The following DLG1 variants were observed in gnomAD, a reference collection of about 807,000 sequenced individuals.
DLG1 encodes the protein disks large homolog 1.
Under a neutral mutation model 123.4 loss-of-function variants are expected in DLG1, and 42 were observed. The ratio of observed to expected loss-of-function variants is 0.34; its 90% CI spans 0.27 to 0.44. DLG1 has a LOEUF of 0.44. DLG1 is among the 20% of genes least tolerant of loss of function. DLG1 has a pLI of 1.00. For synonymous variants in DLG1, 317 were observed against 356.2 expected, an observed-to-expected ratio of 0.89 and a Z score of 1.24; for missense variants, 942 against 1,082.6, an observed-to-expected ratio of 0.87 and a Z score of 1.82.
chr3:197,198,147 C>CA (rs35948143), intron 4 of DLG1, among the ~76,000 whole-genome samples: 97,523 of 141,640 alleles, frequency 0.69, 31,678 homozygotes, highest in East Asian at 0.8. Flanking sequence ...ACAAAACAAA[C>CA]AAAAAAATAC....
At chr3:197,159,803 C>G (rs896208235) in intron 5 of DLG1, among the ~76,000 whole-genome samples, 3 of 152,040 alleles carry the variant, frequency 2.0e-5, no homozygotes, top group Non-Finnish European at 2.9e-5. Flanking sequence ...TATTTAAAAC[C>G]TAAAGTGAAG....
At chr3:197,199,385 T>G (rs1460908657) in intron 4 of DLG1, among the ~76,000 whole-genome samples, 2 of 152,158 alleles carry the variant, frequency 1.3e-5, no homozygotes, top group East Asian at 3.9e-4. Flanking sequence ...ATGTGATGGG[T>G]TGCAGTCAAA....
At chr3:197,186,937 A>C (rs972335612) in intron 5 of DLG1, among the ~76,000 whole-genome samples, 1 of 152,216 alleles carries the variant, frequency 6.6e-6, no homozygotes, top group Non-Finnish European at 1.5e-5. Context: ...GAAACTCTAA[A>C]GTACAAAAAA....
At chr3:197,292,618 T>C (rs1775489587) in intron 3 of DLG1, among the ~76,000 whole-genome samples, 1 of 152,200 alleles carries the variant, frequency 6.6e-6, no homozygotes, top group Non-Finnish European at 1.5e-5. Flanking sequence ...GAAACTAGTA[T>C]CTACAAATAA....
At chr3:197,252,742 C>T (rs73210566) in intron 4 of DLG1, among the ~76,000 whole-genome samples, 187 of 152,206 alleles carry the variant, frequency 1.2e-3, no homozygotes, top group Non-Finnish European at 2.3e-3. Context: ...TAATTGTCCT[C>T]GTTTCAGTTT....
intron 5 of DLG1, among the ~76,000 whole-genome samples, chr3:197,184,748 T>TA (rs1714799564): frequency 6.6e-6 from 1 of 152,242 alleles, no homozygotes; most frequent in African/African-American, 2.4e-5. Context: ...TTAACGCTGG[T>TA]AAATTTTTCG....
rs192375890 is a variant in DLG1 at position 197,159,610 on chromosome 3, T to G, written c.484-9814A>C. 5.6e-3 allele frequency among the ~76,000 whole-genome samples: 852 copies of G among 152,332 alleles called. 7 individuals are homozygous for G. Among genetic ancestry groups the G allele is most frequent in the Non-Finnish European group, 7.9e-3 (535 of 68,028 alleles). ...TAATATGTTGAAATTGGGTTATATG[T>G]TAGTATGTATTTTAAATTTTACTTG... On this transcript the variant is annotated intron_variant, in intron 5 of 24. Coordinates refer to ENST00000667157, the MANE Select transcript of DLG1 (RefSeq NM_001366207.1).
At chr3:197,088,188 AAAC>A (rs1755546061) in intron 15 of DLG1, among the ~76,000 whole-genome samples, 1 of 152,226 alleles carries the variant, frequency 6.6e-6, no homozygotes, top group Non-Finnish European at 1.5e-5. Context: ...TAAGAGTGGA[AAAC>A]AATGAAAGGA....
At chr3:197,111,635 A>T (rs1446359128) in intron 13 of DLG1, among the ~76,000 whole-genome samples, 2 of 152,176 alleles carry the variant, frequency 1.3e-5, no homozygotes, top group Non-Finnish European at 2.9e-5. Context: ...TGAAACCACT[A>T]CCCCAGACAA....
intron 5 of DLG1, among the ~76,000 whole-genome samples, chr3:197,184,806 CTCTGGT>C (rs561160451): frequency 2.6e-5 from 4 of 152,298 alleles, no homozygotes; most frequent in African/African-American, 9.6e-5. Context: ...ATAAATACCA[CTCTGGT>C]TCACCAAATA....
chr3:197,075,450 T>G (rs1746601321), intron 18 of DLG1, among the ~76,000 whole-genome samples: 1 of 151,614 alleles, frequency 6.6e-6, no homozygotes, highest in African/African-American at 2.4e-5. Context: ...TTATTTTAAA[T>G]TATTTTAACA....
intron 5 of DLG1, among the ~76,000 whole-genome samples, chr3:197,178,086 C>T (rs1175237275): frequency 6.6e-6 from 1 of 152,016 alleles, no homozygotes; most frequent in Non-Finnish European, 1.5e-5. Flanking sequence ...ATGGAGCTGA[C>T]AGTCAAGTAA....
chr3:197,227,351 T>C (rs1207814882), intron 4 of DLG1, among the ~76,000 whole-genome samples: 1 of 152,058 alleles, frequency 6.6e-6, no homozygotes, highest in Non-Finnish European at 1.5e-5. Context: ...GGTACGCACC[T>C]GTAGTCCCAG....
intron 3 of DLG1, among the ~76,000 whole-genome samples, chr3:197,295,914 TC>T (rs1777170975): frequency 6.6e-6 from 1 of 152,182 alleles, no homozygotes; most frequent in Non-Finnish European, 1.5e-5. Flanking sequence ...GGTCTAAAAT[TC>T]TGACTCCATG....
intron 4 of DLG1, among the ~76,000 whole-genome samples, chr3:197,204,681 AAAG>A (rs1727612388): frequency 6.6e-6 from 1 of 152,214 alleles, no homozygotes; most frequent in Non-Finnish European, 1.5e-5. Context: ...TAATACAAAT[AAAG>A]AACAATGCAG....
chr3:197,213,522 G>A (rs1578158566), intron 4 of DLG1, among the ~76,000 whole-genome samples: 1 of 152,014 alleles, frequency 6.6e-6, no homozygotes, highest in East Asian at 1.9e-4. Flanking sequence ...TAATCAAACT[G>A]TACGCTTTAC....
chr3:197,114,386 G>C (rs1771844247), intron 13 of DLG1, among the ~76,000 whole-genome samples: 1 of 152,178 alleles, frequency 6.6e-6, no homozygotes, highest in Non-Finnish European at 1.5e-5. Context: ...ACAAGACAGA[G>C]TAGACTTCTT....
In DLG1 at chr3:197,100,110, A is replaced by G. The variant is rs184399124; in HGVS notation, c.1546+4793T>C. On this transcript the variant is annotated intron_variant, in intron 14 of 24. Coordinates refer to ENST00000667157, the MANE Select transcript of DLG1 (RefSeq NM_001366207.1). The stretch of plus-strand genomic sequence containing the variant: ...AGAAAAATACAGCAAGGGAAGTGGG[A>G]AAGCAGGAGACTGAAAAAAATTTTA... Among the ~76,000 whole-genome samples the G allele has an allele frequency of 6.6e-5, 10 of 152,332 alleles. No individual in the cohort carries two copies. In the East Asian group the frequency reaches 9.6e-4, roughly 15 times the overall value.
At chr3:197,118,787 T>C (rs1024760940) in intron 12 of DLG1, among the ~76,000 whole-genome samples, 1 of 152,174 alleles carries the variant, frequency 6.6e-6, no homozygotes, top group East Asian at 1.9e-4. Context: ...CAGGTAGTAA[T>C]TTTAGATGAA....
Sources: allele counts gnomAD v4.1 joint callset (sites outside exome capture counted in the v4.1 genomes callset), GRCh38; gene constraint gnomAD v4.1.1; transcripts MANE v1.5; gene names NCBI Gene and HGNC (gene_info 2026-07-23, HGNC 2026-07-21).